Variants in PZP observed in about 807,000 individuals in gnomAD.
PZP encodes the protein pregnancy zone protein.
In PZP, 150 loss-of-function variants were observed where a neutral mutation model predicts 179.8. The ratio of observed to expected loss-of-function variants is 0.83; its 90% confidence interval spans 0.73 to 0.96. The LOEUF (loss-of-function observed/expected upper bound fraction) is 0.96. PZP is among the 40% of genes least tolerant of loss of function. The pLI, the probability that PZP is intolerant of heterozygous loss-of-function variation, is 0.00. For synonymous variants in PZP, 624 were observed against 652.3 expected (o/e 0.96, Z 0.66); for missense variants, 1,689 against 1,764.0 (o/e 0.96, Z 0.76).
At chr12:9,185,815 T>TTTTCTTTTCTTTTCTTTTC (rs1244316268) in intron 13 of PZP, among the ~76,000 whole-genome samples, 1 of 147,148 alleles carries the variant, frequency 6.8e-6, no homozygotes, top group Non-Finnish European at 1.5e-5. Context: ...TTTTCTTTTC[T>TTTTCTTTTCTTTTCTTTTC]TTTTTTTTTT....
intron 19 of PZP, 31 bp downstream of exon 19, chr12:9,165,108 C>T (rs1168177358): frequency 1.2e-6 from 2 of 1,600,472 alleles, no homozygotes; most frequent in East Asian, 4.5e-5. Context: ...TTGTTCTACC[C>T]ACCTTTCCTG....
intron 15 of PZP, among the ~76,000 whole-genome samples, chr12:9,172,879 G>C (rs943099903): frequency 3.3e-5 from 5 of 152,156 alleles, no homozygotes; most frequent in African/African-American, 9.7e-5. Context: ...ATAATAGCGA[G>C]AGACTTTAAC....
At chr12:9,193,083 T>C (rs1943549908) in intron 11 of PZP, among the ~76,000 whole-genome samples, 1 of 152,240 alleles carries the variant, frequency 6.6e-6, no homozygotes, top group Non-Finnish European at 1.5e-5. Flanking sequence ...ATGAATTGGC[T>C]TAATTAAAAT....
intron 15 of PZP, among the ~76,000 whole-genome samples, chr12:9,177,163 G>A (rs1001172943): frequency 1.3e-5 from 2 of 152,172 alleles, no homozygotes; most frequent in African/African-American, 4.8e-5. Context: ...GGATATTGTG[G>A]AAATGAGGGG....
intron 7 of PZP, among the ~76,000 whole-genome samples, chr12:9,199,234 G>C (rs1352385050): frequency 6.6e-6 from 1 of 152,168 alleles, no homozygotes; most frequent in Non-Finnish European, 1.5e-5. Context: ...TTATGTTTAA[G>C]TCACTTCTAT....
chr12:9,147,328 G>A (rs1940061817), downstream of PZP, among the ~76,000 whole-genome samples: 1 of 152,162 alleles, frequency 6.6e-6, no homozygotes, highest in African/African-American at 2.4e-5. Flanking sequence ...TCTCTGGGGA[G>A]AACCCTCAGA....
At chr12:9,164,573 T>C (rs1192055287) in intron 19 of PZP, among the ~76,000 whole-genome samples, 2 of 152,220 alleles carry the variant, frequency 1.3e-5, no homozygotes, top group Non-Finnish European at 2.9e-5. Flanking sequence ...ATGTAGATTT[T>C]CATAGTTTCT....
At chr12:9,151,567 C>G (rs778051728) in intron 33 of PZP, 37 bp downstream of exon 33, 4 of 1,567,422 alleles carry the variant, frequency 2.6e-6, no homozygotes, top group African/African-American at 1.4e-5. Context: ...GAAAGACGAC[C>G]CATATGTAGT....
At chr12:9,176,288 G>T (rs143738118) in intron 15 of PZP, among the ~76,000 whole-genome samples, 2 of 152,044 alleles carry the variant, frequency 1.3e-5, no homozygotes, top group Admixed American at 6.5e-5. Context: ...CACTCACTCC[G>T]GCCTATTAGA....
the PZP span, among the ~76,000 whole-genome samples, chr12:9,136,682 G>T: frequency 6.6e-6 from 1 of 151,860 alleles, no homozygotes; most frequent in Non-Finnish European, 1.5e-5. Context: ...CCACATCTTT[G>T]CCAACCACTT....
the PZP span, among the ~76,000 whole-genome samples, chr12:9,138,876 AT>A: frequency 6.7e-6 from 1 of 149,340 alleles, no homozygotes; most frequent in Non-Finnish European, 1.5e-5. Flanking sequence ...TGTGTTAATT[AT>A]TTTTTTCAAA....
chr12:9,157,295 C>T lies in PZP; in HGVS notation c.3430G>A (p.Gly1144Arg). 1.2e-6 allele frequency: 2 copies of T among 1,614,104 alleles called. No homozygotes were observed. Among genetic ancestry groups the T allele is most frequent in the Non-Finnish European group, 1.7e-6 (2 of 1,179,990 alleles). The change falls in exon 28 of 36, where the codon GGG (glycine) becomes AGG (arginine). Residue 1144 changes from glycine to arginine, a missense_variant. Around this residue, in one of 3 missense-constraint regions of PZP, gnomAD observed 746 missense variants for 749.2 expected, o/e 1.00. Coordinates refer to ENST00000261336, the MANE Select transcript of PZP (RefSeq NM_002864.3). ...GTGTAGACATGGCTCCCATGGGTCC[C>T]CTCCTTTGCTACATTCCAGGCTGAC... ...LESAWNVAKE[G>R]THGSHVYTKA...
intron 26 of PZP, 57 bp from the exon 27 acceptor site, chr12:9,157,898 T>A: frequency 7.0e-7 from 1 of 1,422,898 alleles, no homozygotes; most frequent in Non-Finnish European, 9.9e-7. Context: ...TATATTCTCT[T>A]CTGTTGTTTG....
At chr12:9,198,215 G>T (rs1943948137) in intron 7 of PZP, among the ~76,000 whole-genome samples, 1 of 151,634 alleles carries the variant, frequency 6.6e-6, no homozygotes, top group Non-Finnish European at 1.5e-5. Flanking sequence ...GCTGGGTATG[G>T]TGACATGCAC....
rs753188815 is a variant in PZP, at chr12:9,165,294, G to A, written c.2332C>T (p.Leu778=). The A allele has an allele frequency of 1.1e-5, 18 of 1,614,068 alleles. No individual in the cohort carries two copies. The East Asian group carries it at 3.8e-4, about 34-fold the overall frequency. ...ATACCAAGTCCAGCATCTTCGGACA[G>A]GCAGAAGGCCCCTGCCTTCCACTCG... ...ITEWKAGAFC[L]SEDAGLGISS... The change falls in exon 19 of 36, where the codon CTG becomes TTG. Residue 778 remains leucine, a synonymous_variant. Transcript: ENST00000261336.
intron 13 of PZP, among the ~76,000 whole-genome samples, chr12:9,183,404 T>C (rs1222396907): frequency 1.0e-5 from 1 of 100,116 alleles, no homozygotes; most frequent in African/African-American, 3.0e-5. Flanking sequence ...CTTAAATAAA[T>C]GTAATTTTTT....
At chr12:9,192,380 C>G in intron 12 of PZP, 124 bp from the exon 13 acceptor site, 1 of 1,285,308 alleles carries the variant, frequency 7.8e-7, no homozygotes, top group Non-Finnish European at 1.1e-6. Flanking sequence ...CAAGAAAACT[C>G]ATGGAATGAA....
chr12:9,149,532 A>G, intron 35 of PZP, 29 bp downstream of exon 35: 2 of 1,601,108 alleles, frequency 1.2e-6, no homozygotes, highest in Non-Finnish European at 8.5e-7. Flanking sequence ...AATGCCATCT[A>G]GTACTGGTCA....
At position 9,202,579 on chromosome 12, in the gene PZP, G is replaced by A. The variant is rs781317031; in HGVS notation, c.373C>T (p.Gln125Ter). 1.9e-6 allele frequency: 3 copies of A among 1,614,068 alleles called. No individual in the cohort carries two copies. Among genetic ancestry groups the A allele is most frequent in the South Asian group, 1.1e-5 (1 of 91,082 alleles). Residue 125 changes from glutamine (Q) to a stop codon, truncating the protein, a stop_gained, in exon 3 of 36, where the codon CAA becomes TAA. Transcript: ENST00000261336. LOFTEE classifies it high-confidence loss of function. ...TCTGTCTGGACAAAGACCAGACTTT[G>A]GGTGTTCAGTACCAGAACTGTGTTC... ...KRNTVLVLNT[Q>*]SLVFVQTDKP...
Sources: allele counts gnomAD v4.1 joint callset (sites outside exome capture counted in the v4.1 genomes callset), GRCh38; gene constraint gnomAD v4.1.1; regional missense constraint gnomAD v4.1.1; transcripts MANE v1.5; gene names NCBI Gene and HGNC (gene_info 2026-07-23, HGNC 2026-07-21).